ANO7: variants seen among roughly 807,000 people sequenced by gnomAD.
ANO7 encodes anoctamin-7.
A neutral mutation model predicts 115.8 loss-of-function variants in ANO7; 114 were observed. That is an observed-to-expected ratio of 0.98 (90% CI 0.85 to 1.15). The LOEUF (loss-of-function observed/expected upper bound fraction) is 1.15, where lower values mean the gene tolerates loss of function less well. Ranked by LOEUF, ANO7 falls within the 50% of genes most tolerant of loss-of-function variation. The pLI is 0.00. For missense variants in ANO7, 1,302 were observed against 1,201.2 expected (o/e 1.08, Z -1.24); for synonymous variants, 550 against 498.2 (o/e 1.10, Z -1.38).
chr2:241,214,718 G>T (rs770802421), intron 17 of ANO7, 87 bp from the exon 18 acceptor site: 76 of 1,263,616 alleles, frequency 6.0e-5, no homozygotes, highest in Non-Finnish European at 7.8e-5. Context: ...TGGGGGCCGG[G>T]ATGAGGGCCA....
At chr2:241,195,556 A>C in intron 3 of ANO7, 147 bp from the exon 4 acceptor site, 1 of 733,102 alleles carries the variant, frequency 1.4e-6, no homozygotes, top group Non-Finnish European at 2.2e-6. Context: ...CCTGGCTGGG[A>C]CCAGAGAGGG....
chr2:241,223,984 C>A (rs763033228), intron 24 of ANO7, 29 bp downstream of exon 24: 1 of 1,613,860 alleles, frequency 6.2e-7, no homozygotes, highest in Non-Finnish European at 8.5e-7. Context: ...AGGCCCCTGC[C>A]CCGTGCACTC....
At chr2:241,235,059 T>C in the ANO7 span, 5 of 1,582,668 alleles carry the variant, frequency 3.2e-6, no homozygotes, top group Non-Finnish European at 3.4e-6. Flanking sequence ...CCCTAGATTC[T>C]GACATGTGCC....
Position 241,224,135 on chromosome 2 carries a change from C to T in ANO7, c.2622C>T (p.Ala874=). The change falls in exon 25 of 25, where the codon GCC becomes GCT. Residue 874 remains alanine (A), a synonymous_variant. Coordinates refer to ENST00000674324, the MANE Select transcript of ANO7 (RefSeq NM_001370694.2). ...GGACACCCTTCACGGTTCCCAAGGC[C>T]AGCCAGCTGCAGCAGTGACGCCTGG... The part of the protein sequence containing the change: ...SHWTPFTVPK[A]SQLQQ 1.3e-6 allele frequency: 2 copies of T among 1,599,788 alleles called. No homozygotes were observed. Among genetic ancestry groups the T allele is most frequent in the South Asian group, 1.1e-5 (1 of 90,998 alleles).
chr2:241,196,531 T>C (rs1311009237), intron 4 of ANO7, among the ~76,000 whole-genome samples: 2 of 152,258 alleles, frequency 1.3e-5, no homozygotes, highest in Admixed American at 1.3e-4. Flanking sequence ...CACAGAGTAA[T>C]CGATCCTGAG....
At chr2:241,239,741 C>T in the ANO7 span, 10 of 1,614,086 alleles carry the variant, frequency 6.2e-6, no homozygotes, top group Non-Finnish European at 7.6e-6. This position sits in a 1 kb window ranked among gnomAD's most constrained non-coding sequence, Gnocchi z 4.6. Flanking sequence ...AGCAATCTCC[C>T]GCAAGACCTG....
At chr2:241,204,413 G>T (rs549828205) in intron 9 of ANO7, among the ~76,000 whole-genome samples, 3 of 150,684 alleles carry the variant, frequency 2.0e-5, no homozygotes, top group South Asian at 4.2e-4. Flanking sequence ...GTCAGATGAG[G>T]CAGGGGCCAG....
chr2:241,216,069 A>T, intron 18 of ANO7, 24 bp from the exon 19 acceptor site: 1 of 1,587,492 alleles, frequency 6.3e-7, no homozygotes, highest in Non-Finnish European at 8.6e-7. Context: ...ATCAAAGGCC[A>T]TTTTCCTGTA....
At chr2:241,213,488 C>T (rs964576007) in intron 17 of ANO7, among the ~76,000 whole-genome samples, 29 of 152,348 alleles carry the variant, frequency 1.9e-4, no homozygotes, top group Middle Eastern at 3.4e-3. Context: ...AAAGCAGACC[C>T]CAAGACAGAG....
rs753985138 is a variant in ANO7, at chr2:241,191,271, T to A, written c.166+20T>A. 1 of 1,613,032 alleles carries A rather than the reference T, an allele frequency of 6.2e-7. No homozygotes were observed. Among genetic ancestry groups the A allele is most frequent in the Non-Finnish European group, 8.5e-7 (1 of 1,179,594 alleles). On this transcript the variant is annotated intron_variant, in intron 3 of 24. Coordinates refer to ENST00000674324, the MANE Select transcript of ANO7 (RefSeq NM_001370694.2). Reference sequence around the variant, plus strand: ...GGATCGGTGAGCCCCTCCCAGCACCTGTACCACACCCGTGTTGGTCCTGAG... The same window carrying A: ...GGATCGGTGAGCCCCTCCCAGCACCAGTACCACACCCGTGTTGGTCCTGAG...
downstream of ANO7, chr2:241,230,628 G>C (rs1458625691): frequency 1.3e-6 from 1 of 795,326 alleles, no homozygotes; most frequent in Non-Finnish European, 2.0e-6. The surrounding 1 kb of genome is among the most constrained non-coding windows in gnomAD (Gnocchi z 5.0). Context: ...CATGAGGACA[G>C]TTCCACTGCC....
At chr2:241,230,054 A>C, downstream of ANO7, 2 of 1,582,522 alleles carry the variant, frequency 1.3e-6, no homozygotes, top group South Asian at 2.3e-5. This position sits in a 1 kb window ranked among gnomAD's most constrained non-coding sequence, Gnocchi z 5.0. Flanking sequence ...CTGCCTCTGG[A>C]AACACAAGTG....
In ANO7 at chr2:241,209,573, T is replaced by A; in HGVS notation, c.1297T>A (p.Tyr433Asn). 6.2e-7 allele frequency: 1 copy of A among 1,603,636 alleles called. No homozygotes were observed. Among genetic ancestry groups the A allele is most frequent in the Non-Finnish European group, 8.5e-7 (1 of 1,175,776 alleles). Reference sequence around the variant, plus strand: ...CCCCATCACGGGTGAGGACGAGCCCTACTTCCCTGAGAGGAGCCGCGCGCG... The same window carrying A: ...CCCCATCACGGGTGAGGACGAGCCCAACTTCCCTGAGAGGAGCCGCGCGCG... Reference protein sequence around the residue: ...PNPITGEDEPYFPERSRARRM... With the variant: ...PNPITGEDEPNFPERSRARRM... Residue 433 changes from tyrosine to asparagine, a missense_variant, in exon 13 of 25, where the codon TAC becomes AAC. Transcript: ENST00000674324.
At chr2:241,229,907 G>A (rs1356840824), downstream of ANO7, 1 of 1,599,634 alleles carries the variant, frequency 6.3e-7, no homozygotes, top group Admixed American at 1.7e-5. Context: ...GCCTCTTCGT[G>A]TGCTGGGGGT....
At chr2:241,236,844 C>A in the ANO7 span, 1 of 1,490,352 alleles carries the variant, frequency 6.7e-7, no homozygotes, top group Non-Finnish European at 9.2e-7. Flanking sequence ...ATGCATATGT[C>A]TGTGAGGCAC....
In ANO7 at chr2:241,188,911, A is replaced by C; in HGVS notation, c.-8+145A>C. ...GTGCCAGGGCCCGCCCTGGTCCCCA[A>C]AGCCCCTTGGGGCACGAGGAGGGAC... On this transcript the variant is annotated intron_variant, in intron 1 of 24. Transcript: ENST00000674324. This position sits in a 1 kb window ranked among gnomAD's most constrained non-coding sequence, Gnocchi z 4.3. 3 of 1,137,482 alleles carry C rather than the reference A, an allele frequency of 2.6e-6. No homozygotes were observed. The highest frequency in any genetic ancestry group is 3.6e-6 in the Non-Finnish European group (3 of 824,718). 70.5% of individuals were successfully genotyped at this position (1,137,482 alleles called of 1,614,324 possible).
At chr2:241,230,435 G>T (rs986087495), downstream of ANO7, among the ~76,000 whole-genome samples, 1 of 152,256 alleles carries the variant, frequency 6.6e-6, no homozygotes, top group Non-Finnish European at 1.5e-5. The surrounding 1 kb of genome is among the most constrained non-coding windows in gnomAD (Gnocchi z 5.0). Flanking sequence ...CAAGTTAGGT[G>T]TATCTCAGGA....
At chr2:241,201,406 G>T (rs753330975) in intron 7 of ANO7, 51 bp downstream of exon 7, 1 of 1,580,582 alleles carries the variant, frequency 6.3e-7, no homozygotes. Flanking sequence ...TGGCTCTGAG[G>T]ATCCTGCCAG....
At chr2:241,190,459 C>T (rs1574751816) in intron 2 of ANO7, among the ~76,000 whole-genome samples, 1 of 152,186 alleles carries the variant, frequency 6.6e-6, no homozygotes, top group Non-Finnish European at 1.5e-5. Context: ...AAGACCAGGG[C>T]GGGGCCCTCC....
Sources: gnomAD v4.1 joint callset for allele counts (sites outside exome capture counted in the v4.1 genomes callset) on GRCh38, gnomAD v4.1.1 for gene constraint, Gnocchi (gnomAD v3.1) non-coding constraint, MANE v1.5 for transcripts, NCBI Gene and HGNC (gene_info 2026-07-23, HGNC 2026-07-21) for gene names.